The following FBN1 variants were observed in gnomAD, a reference collection of about 807,000 sequenced individuals.
The protein encoded by FBN1 is fibrillin-1.
Under a neutral mutation model 365.1 loss-of-function variants are expected in FBN1, and 29 were observed. That is an observed-to-expected ratio of 0.08 (90% CI 0.06 to 0.11). The LOEUF (loss-of-function observed/expected upper bound fraction) is 0.11. Ranked by LOEUF, FBN1 falls within the 10% of genes least tolerant of loss-of-function variation. The pLI is 1.00. For synonymous variants in FBN1, 1,210 were observed against 1,270.5 expected, an observed-to-expected ratio of 0.95 and a Z score of 1.01; for missense variants, 2,476 against 3,703.2, an observed-to-expected ratio of 0.67 and a Z score of 8.60.
chr15:48,419,738 C>T (rs1309310393), intron 63 of FBN1, among the ~76,000 whole-genome samples: 1 of 152,178 alleles, frequency 6.6e-6, no homozygotes, highest in East Asian at 1.9e-4. Flanking sequence ...CAATGCAGAG[C>T]CTGCACCCGG....
intron 5 of FBN1, among the ~76,000 whole-genome samples, chr15:48,598,771 C>G (rs2044535358): frequency 6.6e-6 from 1 of 152,190 alleles, no homozygotes; most frequent in Admixed American, 6.5e-5. Context: ...AAAACTCAAC[C>G]AATATTCTTC....
chr15:48,421,470 T>A (rs2042940648), intron 62 of FBN1, 88 bp downstream of exon 62: 1 of 1,508,940 alleles, frequency 6.6e-7, no homozygotes, highest in Non-Finnish European at 9.0e-7. Flanking sequence ...TGCTATCTCA[T>A]AGAGGCTGAT....
chr15:48,429,385 T>TCC (rs1183056814), intron 56 of FBN1, among the ~76,000 whole-genome samples: 1 of 152,170 alleles, frequency 6.6e-6, no homozygotes, highest in Non-Finnish European at 1.5e-5. Flanking sequence ...CAACTCAGTT[T>TCC]CCCAGGTTTA....
chr15:48,508,766 T>C, intron 14 of FBN1, 62 bp from the exon 15 acceptor site: 1 of 1,586,630 alleles, frequency 6.3e-7, no homozygotes, highest in Non-Finnish European at 8.6e-7. Flanking sequence ...AGGAAACCAA[T>C]CTGGATGAAA....
At chr15:48,599,729 A>G (rs957067534) in intron 5 of FBN1, among the ~76,000 whole-genome samples, 1 of 152,136 alleles carries the variant, frequency 6.6e-6, no homozygotes, top group African/African-American at 2.4e-5. Flanking sequence ...AAGATAAAGG[A>G]CATGTTTAGA....
chr15:48,492,055 C>G (rs1412602049), intron 24 of FBN1, among the ~76,000 whole-genome samples: 1 of 152,176 alleles, frequency 6.6e-6, no homozygotes, highest in Non-Finnish European at 1.5e-5. Flanking sequence ...GGCATCTTCA[C>G]TCCTGATCTC....
chr15:48,554,687 G>A (rs1365831389), intron 6 of FBN1, among the ~76,000 whole-genome samples: 1 of 152,120 alleles, frequency 6.6e-6, no homozygotes, highest in Non-Finnish European at 1.5e-5. Context: ...CATATACTCT[G>A]TAAATGTGTC....
intron 7 of FBN1, among the ~76,000 whole-genome samples, chr15:48,534,588 C>A (rs1399861342): frequency 2.0e-5 from 3 of 152,088 alleles, no homozygotes; most frequent in African/African-American, 7.2e-5. Flanking sequence ...CAGAGTTATT[C>A]AAAAAATCTT....
intron 2 of FBN1, among the ~76,000 whole-genome samples, chr15:48,626,532 T>A (rs994751968): frequency 1.3e-5 from 2 of 152,134 alleles, no homozygotes; most frequent in African/African-American, 4.8e-5. Context: ...TTTCTCTATC[T>A]AGCCCTCCCA....
rs73394248 is a variant in FBN1 at position 48,558,433 on chromosome 15, A to G, written c.539-20625T>C. Among the ~76,000 whole-genome samples, 981 of 152,292 alleles carry G rather than the reference A, an allele frequency of 6.4e-3. 10 individuals are homozygous for G. Among genetic ancestry groups the G allele is most frequent in the African/African-American group, 0.023 (953 of 41,560 alleles). Reference sequence around the variant, plus strand: ...CCCTTTCTAAACAGGTACTCCCCCAAGTATGGTGAAGGGAAGCATAAATTA... The same window carrying G: ...CCCTTTCTAAACAGGTACTCCCCCAGGTATGGTGAAGGGAAGCATAAATTA... On this transcript the variant is annotated intron_variant, in intron 6 of 65. Transcript: ENST00000316623.
intron 63 of FBN1, among the ~76,000 whole-genome samples, chr15:48,417,757 G>T (rs995707028): frequency 6.6e-5 from 10 of 152,120 alleles, no homozygotes; most frequent in African/African-American, 2.2e-4. Context: ...AGAAACCACT[G>T]GCACCAAGCT....
chr15:48,489,106 C>T (rs1199153078), intron 25 of FBN1, among the ~76,000 whole-genome samples: 1 of 151,368 alleles, frequency 6.6e-6, no homozygotes, highest in Admixed American at 6.6e-5. Flanking sequence ...GTGTGCTTGG[C>T]TCACTGCAAC....
chr15:48,445,379 C>T lies in FBN1; in HGVS notation c.5914G>A (p.Val1972Met). 1 of 1,612,624 alleles carries T rather than the reference C, an allele frequency of 6.2e-7. No homozygotes were observed. The highest frequency in any genetic ancestry group is 8.5e-7 in the Non-Finnish European group (1 of 1,179,110). ...TCTTTCTAAGTCCTGTACTTACCCACACAGGTCCTCCCATCTGGAGCCACC... is the reference window on the plus strand; with the variant it reads ...TCTTTCTAAGTCCTGTACTTACCCATACAGGTCCTCCCATCTGGAGCCACC... The part of the protein sequence containing the change: ...YEVAPDGRTC[V>M]DINECLLEPR... The change falls in exon 48 of 66, where the codon GTG becomes ATG. Residue 1972 changes from valine (V) to methionine (M), a missense_variant. This residue lies in a region of FBN1 where 1,780 missense variants were observed against 2,840.8 expected (regional missense o/e 0.63). Coordinates refer to ENST00000316623, the MANE Select transcript of FBN1 (RefSeq NM_000138.5).
At chr15:48,484,008 A>G in intron 30 of FBN1, 65 bp from the exon 31 acceptor site, 1 of 1,532,878 alleles carries the variant, frequency 6.5e-7, no homozygotes, top group Non-Finnish European at 9.0e-7. Context: ...GTGAGAAAAC[A>G]TTAACTGACC....
At chr15:48,433,594 T>C (rs1186962968) in intron 54 of FBN1, among the ~76,000 whole-genome samples, 1 of 152,170 alleles carries the variant, frequency 6.6e-6, no homozygotes, top group African/African-American at 2.4e-5. Context: ...ATGAGTTTAC[T>C]GTTAATGGAA....
Position 48,411,140 on chromosome 15 carries a change from T to C in FBN1, c.8466A>G (p.Pro2822=), listed in dbSNP as rs147279938. 41 of 1,614,204 alleles carry C rather than the reference T, an allele frequency of 2.5e-5. 1 individual carries two copies. Among genetic ancestry groups the C allele is most frequent in the Middle Eastern group, 1.6e-4 (1 of 6,062 alleles). ...TTTGTAATGAATAGGTTCCAGCCAC[T>C]GGCTTCTTCTTTGTGAAGTGGAGGT... ...ISYLHFTKKK[P]VAGTYSLQIS... Residue 2822 remains proline, a synonymous_variant, in exon 66 of 66, where the codon CCA becomes CCG. Coordinates refer to ENST00000316623, the MANE Select transcript of FBN1 (RefSeq NM_000138.5).
At chr15:48,503,016 C>T (rs541532972) in intron 17 of FBN1, among the ~76,000 whole-genome samples, 10 of 152,036 alleles carry the variant, frequency 6.6e-5, no homozygotes, top group African/African-American at 2.2e-4. Context: ...AAAACCACAC[C>T]GGTCCGGGCG....
intron 2 of FBN1, among the ~76,000 whole-genome samples, chr15:48,625,088 G>T (rs934452457): frequency 1.2e-4 from 19 of 152,214 alleles, no homozygotes; most frequent in African/African-American, 4.3e-4. Flanking sequence ...AGTGCAGGGT[G>T]ATTTGATACT....
intron 42 of FBN1, among the ~76,000 whole-genome samples, chr15:48,462,314 A>C (rs1357332215): frequency 6.6e-6 from 1 of 151,620 alleles, no homozygotes. Flanking sequence ...AGAACAGTAC[A>C]CTAATGTCTT....
Sources: allele counts gnomAD v4.1 joint callset (sites outside exome capture counted in the v4.1 genomes callset), GRCh38; gene constraint gnomAD v4.1.1; regional missense constraint gnomAD v4.1.1; transcripts MANE v1.5; gene names NCBI Gene and HGNC (gene_info 2026-07-23, HGNC 2026-07-21).